CBR1: variants seen among roughly 807,000 people sequenced by gnomAD.
The protein encoded by CBR1 is carbonyl reductase 1.
A neutral mutation model predicts 10.6 loss-of-function variants in CBR1; 11 were observed. The ratio of observed to expected loss-of-function variants is 1.03; its 90% CI spans 0.65 to 1.71. The LOEUF (loss-of-function observed/expected upper bound fraction) is 1.71, where lower values mean the gene tolerates loss of function less well. CBR1 is among the 40% of genes most tolerant of loss of function. The probability of loss-of-function intolerance (pLI) is 0.00; values close to 1 mark genes in which losing one functional copy is unlikely to be tolerated. For synonymous variants in CBR1, 158 were observed against 156.7 expected, an observed-to-expected ratio of 1.01 and a Z score of -0.06; for missense variants, 361 against 368.6, an observed-to-expected ratio of 0.98 and a Z score of 0.17.
At chr21:36,070,492 A>C in intron 1 of CBR1, 88 bp downstream of exon 1, 1 of 1,296,812 alleles carries the variant, frequency 7.7e-7, no homozygotes, top group Admixed American at 2.7e-5. Flanking sequence ...CTCCCTAGGG[A>C]GGAGAGGGAG....
Position 36,072,961 on chromosome 21 carries a change from A to G in CBR1, c.*79A>G. The G allele has an allele frequency of 1.1e-6, 1 of 944,676 alleles. No homozygotes were observed. Among genetic ancestry groups the G allele is most frequent in the Non-Finnish European group, 1.6e-6 (1 of 633,600 alleles). 58.5% of individuals were successfully genotyped at this position (944,676 alleles called of 1,614,324 possible). ...GTCCAAAGGGCATTTACAATGTCAT[A>G]AATATCCTTATATAAGAAAAAAAAT... On this transcript the variant is annotated 3_prime_UTR_variant, in exon 3 of 3. Coordinates refer to ENST00000290349, the MANE Select transcript of CBR1 (RefSeq NM_001757.4).
chr21:36,071,083 C>A, intron 2 of CBR1, 26 bp downstream of exon 2: 1 of 1,483,440 alleles, frequency 6.7e-7, no homozygotes, highest in Non-Finnish European at 9.4e-7. Flanking sequence ...AACAGCGCAC[C>A]TTCTCTTTGG....
At chr21:36,072,372 C>G in intron 2 of CBR1, 74 bp from the exon 3 acceptor site, 2 of 1,613,114 alleles carry the variant, frequency 1.2e-6, no homozygotes, top group South Asian at 1.1e-5. Flanking sequence ...TCCAAAATCC[C>G]TGCAAATTTG....
At chr21:36,071,808 T>C in intron 2 of CBR1, 1 of 1,531,918 alleles carries the variant, frequency 6.5e-7, no homozygotes, top group Non-Finnish European at 8.7e-7. Context: ...CTCTTTTCCT[T>C]TCCCAGCATC....
chr21:36,071,413 CA>C, intron 2 of CBR1: 2 of 594,970 alleles, frequency 3.4e-6, no homozygotes, highest in Non-Finnish European at 6.0e-6. Context: ...AGATCTTATT[CA>C]GGCTGGTGGA....
intron 1 of CBR1, among the ~76,000 whole-genome samples, 190 bp from the exon 2 acceptor site, chr21:36,070,760 T>C (rs1027628935): frequency 1.3e-5 from 2 of 152,096 alleles, no homozygotes; most frequent in South Asian, 4.1e-4. Flanking sequence ...TGGTGCCATC[T>C]TACAAAAATA....
At chr21:36,071,199 A>G (rs1186055830) in intron 2 of CBR1, 142 bp downstream of exon 2, 2 of 725,010 alleles carry the variant, frequency 2.8e-6, no homozygotes, top group African/African-American at 1.7e-5. Flanking sequence ...GCCAGCTGAT[A>G]TGTGCCATTT....
Position 36,070,404 on chromosome 21 carries a change from G to T in CBR1, c.289G>T (p.Val97Phe), listed in dbSNP as rs767383110. The T allele has an allele frequency of 6.3e-7, 1 of 1,593,308 alleles. No homozygotes were observed. The highest frequency in any genetic ancestry group is 1.3e-5 in the African/African-American group (1 of 74,392). ...LVNNAGIAFK[V>F]ADPTPFHIQA... The stretch of plus-strand genomic sequence containing the variant: ...CAACAACGCGGGCATCGCCTTCAAG[G>T]GTATGGGGAGGGGACGTGGCCTCCC... Residue 97 changes from valine to phenylalanine, a missense_variant and splice_region_variant, in exon 1 of 3, where the codon GTT becomes TTT. By Grantham distance (50) the Val-to-Phe change is conservative (BLOSUM62 -1). Transcript: ENST00000290349.
chr21:36,070,050 T>TGCGGGGCTC lies in CBR1; in HGVS notation c.-65_-57dup. Reference sequence around the variant, plus strand: ...GACTCGAGCAGTCTCTGGAACACGCTGCGGGGCTCCCGGGCCTGAGCCAGG... The same window carrying TGCGGGGCTC: ...GACTCGAGCAGTCTCTGGAACACGCTGCGGGGCTCGCGGGGCTCCCGGGCCTGAGCCAGG... On this transcript the variant is annotated 5_prime_UTR_variant, in exon 1 of 3. Coordinates refer to ENST00000290349, the MANE Select transcript of CBR1 (RefSeq NM_001757.4). 1 of 1,433,552 alleles carries TGCGGGGCTC rather than the reference T, an allele frequency of 7.0e-7. No individual in the cohort carries two copies. The highest frequency in any genetic ancestry group is 9.2e-7 in the Non-Finnish European group (1 of 1,091,010). The allele number at this position is 1,433,552 out of a possible 1,614,324, so 88.8% of individuals were successfully genotyped here. A position where few individuals can be genotyped will look rare whatever the true frequency, so the allele number is the denominator to read the frequency against.
chr21:36,072,308 G>A (rs765787444), intron 2 of CBR1, 138 bp from the exon 3 acceptor site: 46 of 1,565,672 alleles, frequency 2.9e-5, no homozygotes, highest in Middle Eastern at 3.3e-4. Context: ...CTTTCTATGC[G>A]TATTCCTCTT....
rs746336766 is a variant in CBR1, at chr21:36,072,686, G to A, written c.638G>A (p.Ser213Asn). Reference sequence around the variant, plus strand: ...TCCAGGATCCACGCCAGGAAACTGAGTGAGCAGAGGAAAGGGGACAAGATC... The same window carrying A: ...TCCAGGATCCACGCCAGGAAACTGAATGAGCAGAGGAAAGGGGACAAGATC... ...VLSRIHARKLSEQRKGDKILL... is the reference protein window; with the variant it reads ...VLSRIHARKLNEQRKGDKILL... Residue 213 changes from serine to asparagine, a missense_variant, in exon 3 of 3, where the codon AGT (serine) becomes AAT (asparagine). Coordinates refer to ENST00000290349, the MANE Select transcript of CBR1 (RefSeq NM_001757.4). 2.5e-6 allele frequency: 4 copies of A among 1,614,042 alleles called. No homozygotes were observed. Among genetic ancestry groups the A allele is most frequent in the Non-Finnish European group, 3.4e-6 (4 of 1,180,026 alleles).
intron 1 of CBR1, 104 bp downstream of exon 1, chr21:36,070,508 A>G: frequency 8.6e-7 from 1 of 1,158,408 alleles, no homozygotes; most frequent in Non-Finnish European, 1.2e-6. Context: ...GGGAGGAGCT[A>G]GGAGATGCAG....
chr21:36,072,928 C>T lies in CBR1; in HGVS notation c.*46C>T. ...CATGGGCCCCATTTTGTACCTTGTC[C>T]TGAGTTGGTCCAAAGGGCATTTACA... is the stretch of plus-strand genomic sequence containing the variant. On this transcript the variant is annotated 3_prime_UTR_variant, in exon 3 of 3. Transcript: ENST00000290349. 1 of 1,383,852 alleles carries T rather than the reference C, an allele frequency of 7.2e-7. No homozygotes were observed. The highest frequency in any genetic ancestry group is 2.3e-5 in the East Asian group (1 of 43,554). 85.7% of individuals were successfully genotyped at this position (1,383,852 alleles called of 1,614,324 possible). A position where few individuals can be genotyped will look rare whatever the true frequency, so the allele number is the denominator to read the frequency against.
At position 36,070,156 on chromosome 21, in the gene CBR1, A is replaced by T. The variant is rs763746901; in HGVS notation, c.41A>T (p.Asn14Ile). Residue 14 changes from asparagine to isoleucine, a missense_variant, in exon 1 of 3, where the codon AAC (asparagine) becomes ATC (isoleucine). Transcript: ENST00000290349. ...CATGTAGCGCTGGTGACTGGAGGCA[A>T]CAAGGGCATCGGCTTGGCCATCGTG... The part of the protein sequence containing the change: ...GIHVALVTGG[N>I]KGIGLAIVRD... 1.3e-6 allele frequency: 2 copies of T among 1,581,566 alleles called. No individual in the cohort carries two copies. Among genetic ancestry groups the T allele is most frequent in the Non-Finnish European group, 1.7e-6 (2 of 1,164,500 alleles).
chr21:36,071,958 A>G, intron 2 of CBR1: 1 of 1,536,082 alleles, frequency 6.5e-7, no homozygotes, highest in South Asian at 1.2e-5. Context: ...CAACGTGCTG[A>G]AGGTGCTGGA....
chr21:36,072,090 A>G (rs900895593), intron 2 of CBR1: 3 of 1,491,058 alleles, frequency 2.0e-6, no homozygotes, highest in Non-Finnish European at 1.8e-6. Context: ...GAAAAATTTA[A>G]ATGTGTGGCT....
Position 36,072,844 on chromosome 21 carries a change from G to A in CBR1, c.796G>A (p.Gly266Arg). 5.6e-6 allele frequency: 9 copies of A among 1,613,804 alleles called. No homozygotes were observed. Among genetic ancestry groups the A allele is most frequent in the Non-Finnish European group, 7.6e-6 (9 of 1,179,894 alleles). Residue 266 changes from glycine to arginine, a missense_variant, in exon 3 of 3, where the codon GGA becomes AGA. Transcript: ENST00000290349. ...LLPPDAEGPHGQFVSEKRVEQ... is the reference protein window; with the variant it reads ...LLPPDAEGPHRQFVSEKRVEQ... ...GCCCCCAGATGCTGAGGGTCCCCATGGACAATTTGTTTCAGAGAAGAGAGT... is the reference window on the plus strand; with the variant it reads ...GCCCCCAGATGCTGAGGGTCCCCATAGACAATTTGTTTCAGAGAAGAGAGT...
chr21:36,070,880 TAGTATC>T, intron 1 of CBR1, 64 bp from the exon 2 acceptor site: 1 of 894,422 alleles, frequency 1.1e-6, no homozygotes. Context: ...TTTTTTTTTT[TAGTATC>T]ATTGTATAGA....
At position 36,072,214 on chromosome 21, in the gene CBR1, G is replaced by A. The variant is rs748123541; in HGVS notation, c.398-232G>A. 4.5e-6 allele frequency: 7 copies of A among 1,550,576 alleles called. No homozygotes were observed. The South Asian group carries it at 7.1e-5, about 16-fold the overall frequency. On this transcript the variant is annotated intron_variant, in intron 2 of 2. Coordinates refer to ENST00000290349, the MANE Select transcript of CBR1 (RefSeq NM_001757.4). ...GGCTCTGGTTCACCAGGACCTCAAA[G>A]GGCAGCTCTTCCAAATCTCACCTGA...
Sources: gnomAD v4.1 joint callset for allele counts (sites outside exome capture counted in the v4.1 genomes callset) on GRCh38, gnomAD v4.1.1 for gene constraint, MANE v1.5 for transcripts, NCBI Gene and HGNC (gene_info 2026-07-23, HGNC 2026-07-21) for gene names.